NIN: variants seen among roughly 807,000 people sequenced by gnomAD.
The protein encoded by NIN is glycogen synthase kinase 3 beta-interacting protein.
A neutral mutation model predicts 257.6 loss-of-function variants in NIN; 137 were observed. The observed-to-expected ratio is 0.53, with a 90% CI of 0.46 to 0.61. The LOEUF is 0.61. Ranked by LOEUF, NIN falls within the 20% of genes least tolerant of loss-of-function variation. NIN has a pLI of 0.00. For synonymous variants in NIN, 918 were observed against 919.8 expected (o/e 1.00, Z 0.04); for missense variants, 2,439 against 2,501.2 (o/e 0.98, Z 0.53).
At chr14:50,828,060 A>T (rs2045544373) in intron 2 of NIN, among the ~76,000 whole-genome samples, 1 of 151,930 alleles carries the variant, frequency 6.6e-6, no homozygotes, top group Non-Finnish European at 1.5e-5. Context: ...ATCAACTACT[A>T]AGTAAATTAC....
At chr14:50,798,929 C>T (rs1462364349) in intron 4 of NIN, among the ~76,000 whole-genome samples, 8 of 152,198 alleles carry the variant, frequency 5.3e-5, no homozygotes, top group Non-Finnish European at 1.0e-4. Flanking sequence ...TAGGCACGTG[C>T]CACCACACCC....
chr14:50,773,067 T>C lies in NIN; in HGVS notation c.695A>G (p.Asp232Gly). The C allele has an allele frequency of 6.2e-7, 1 of 1,612,466 alleles. No homozygotes were observed. Among genetic ancestry groups the C allele is most frequent in the South Asian group, 1.1e-5 (1 of 90,674 alleles). The change falls in exon 8 of 31, where the codon GAT (aspartate) becomes GGT (glycine). Residue 232 changes from aspartate (D) to glycine (G), a missense_variant. Asp to Gly is a moderately conservative substitution (Grantham distance 94). Around this residue, in one of 3 missense-constraint regions of NIN, gnomAD observed 387 missense variants for 427.3 expected, o/e 0.91. Coordinates refer to ENST00000530997, the MANE Select transcript of NIN (RefSeq NM_020921.4). ...EMLEEVFHNL[D>G]PDGTMSVEDF... ...TTCTACACTCATTGTACCGTCAGGA[T>C]CAAGATTATGGAATACTTCCTCGAG...
chr14:50,734,150 C>T (rs1365518863), intron 28 of NIN, among the ~76,000 whole-genome samples: 1 of 150,354 alleles, frequency 6.7e-6, no homozygotes, highest in Admixed American at 6.6e-5. Flanking sequence ...AGTGCAATGA[C>T]GTGATCTCGG....
At chr14:50,762,874 A>C (rs4901056) in intron 15 of NIN, among the ~76,000 whole-genome samples, 151,143 of 152,256 alleles carry the variant, frequency 0.99, 75,036 homozygotes, top group Middle Eastern at 1. Context: ...ATATTCCCAA[A>C]TGAGAAGTAA....
chr14:50,798,427 T>C (rs1428990984), intron 4 of NIN, among the ~76,000 whole-genome samples: 1 of 152,086 alleles, frequency 6.6e-6, no homozygotes, highest in Non-Finnish European at 1.5e-5. Flanking sequence ...CCCCCGAAGG[T>C]GCCTAAGCTG....
chr14:50,735,637 T>C lies in NIN; in HGVS notation c.5776-20A>G. On this transcript the variant is annotated intron_variant, in intron 27 of 30. Transcript: ENST00000530997. ...ACTGACCTGTTTAAAAAAAACAAAA[T>C]ATTCCCTTGAAACAGAAACAAAAAC... The C allele has an allele frequency of 6.3e-7, 1 of 1,599,478 alleles. No homozygotes were observed. The highest frequency in any genetic ancestry group is 8.5e-7 in the Non-Finnish European group (1 of 1,176,950).
chr14:50,811,282 T>C (rs2044590236), intron 3 of NIN, among the ~76,000 whole-genome samples: 1 of 151,884 alleles, frequency 6.6e-6, no homozygotes, highest in Admixed American at 6.6e-5. Context: ...CTAATTTTTG[T>C]GTTTTTAGTA....
At chr14:50,812,256 G>C (rs1487811519) in intron 3 of NIN, among the ~76,000 whole-genome samples, 1 of 152,212 alleles carries the variant, frequency 6.6e-6, no homozygotes, top group Non-Finnish European at 1.5e-5. Context: ...TCAAGGCAGA[G>C]ACCCTACCTC....
chr14:50,792,441 TCA>T (rs2043638022), intron 5 of NIN: 1 of 414,898 alleles, frequency 2.4e-6, no homozygotes, highest in Non-Finnish European at 4.4e-6. Flanking sequence ...GTGGGAGACC[TCA>T]GATGATGTGG....
chr14:50,805,811 A>C (rs957880132), intron 4 of NIN: 2 of 152,108 alleles, frequency 1.3e-5, no homozygotes, highest in Non-Finnish European at 2.9e-5. Flanking sequence ...AACTCACACA[A>C]TCCTGTAACT....
chr14:50,823,106 T>C (rs886558284), intron 2 of NIN: 34 of 491,072 alleles, frequency 6.9e-5, no homozygotes, highest in African/African-American at 6.2e-4. Flanking sequence ...TTGTTAAAAA[T>C]ATACATCATA....
In NIN at chr14:50,746,281, G is replaced by A. The variant is rs115077748; in HGVS notation, c.5064+1711C>T. On this transcript the variant is annotated intron_variant, in intron 22 of 30. Coordinates refer to ENST00000530997, the MANE Select transcript of NIN (RefSeq NM_020921.4). ...GATAAAGTTGGTAATAACAGCCTTGGAATACTTCACCACACTACAGAAAGG... is the reference window on the plus strand; with the variant it reads ...GATAAAGTTGGTAATAACAGCCTTGAAATACTTCACCACACTACAGAAAGG... 8.1e-3 allele frequency among the ~76,000 whole-genome samples: 1,227 copies of A among 152,276 alleles called. 19 individuals carry two copies. Among genetic ancestry groups the A allele is most frequent in the African/African-American group, 0.027 (1,138 of 41,564 alleles).
intron 4 of NIN, among the ~76,000 whole-genome samples, chr14:50,795,553 C>T (rs967210466): frequency 6.6e-6 from 1 of 152,210 alleles, no homozygotes; most frequent in African/African-American, 2.4e-5. Context: ...CCCTTTCTGA[C>T]CATGCCTAAT....
chr14:50,726,384 GT>G (rs2040414084), intron 29 of NIN: 1 of 244,098 alleles, frequency 4.1e-6, no homozygotes. Context: ...GACATCCAAG[GT>G]AACTTGGAAG....
chr14:50,822,200 A>C, intron 2 of NIN, 123 bp from the exon 3 acceptor site: 2 of 695,252 alleles, frequency 2.9e-6, no homozygotes, highest in South Asian at 3.5e-5. Context: ...GGGAACACCC[A>C]GTTTCTGATG....
intron 24 of NIN, 120 bp from the exon 25 acceptor site, chr14:50,741,848 C>T (rs2041299866): frequency 1.7e-6 from 2 of 1,165,454 alleles, no homozygotes; most frequent in Admixed American, 4.7e-5. Context: ...TTTACTAAAT[C>T]CAGCTTTCTT....
Position 50,772,948 on chromosome 14 carries a change from C to T in NIN, c.813+1G>A, listed in dbSNP as rs2042790820. The stretch of plus-strand genomic sequence containing the variant: ...AGAAAGCACTTCTGCTTATTTTTTA[C>T]CTGCATGGAAAGGTGCCTTTTTAGT... On this transcript the variant is annotated splice_donor_variant, in intron 8 of 30. Transcript: ENST00000530997. LOFTEE classifies it high-confidence loss of function. 1.2e-6 allele frequency: 2 copies of T among 1,605,058 alleles called. No homozygotes were observed. Among genetic ancestry groups the T allele is most frequent in the African/African-American group, 1.3e-5 (1 of 74,286 alleles).
chr14:50,747,873 C>A (rs957484271), intron 22 of NIN, 119 bp downstream of exon 22: 5 of 692,964 alleles, frequency 7.2e-6, no homozygotes, highest in Non-Finnish European at 1.3e-5. Context: ...TCCTCAGCTA[C>A]CAAGCTAGTT....
intron 21 of NIN, among the ~76,000 whole-genome samples, chr14:50,750,278 A>G (rs900261579): frequency 1.5e-4 from 23 of 152,160 alleles, no homozygotes; most frequent in African/African-American, 5.6e-4. Context: ...CAATCCATGC[A>G]TATATACACA....
Sources: gnomAD v4.1 joint callset for allele counts (sites outside exome capture counted in the v4.1 genomes callset) on GRCh38, gnomAD v4.1.1 for gene constraint, gnomAD v4.1.1 regional missense constraint, MANE v1.5 for transcripts, NCBI Gene and HGNC (gene_info 2026-07-23, HGNC 2026-07-21) for gene names.